Variants in KIF26B observed in about 807,000 individuals in gnomAD.
KIF26B encodes kinesin-like protein KIF26B.
A neutral mutation model predicts 151.2 loss-of-function variants in KIF26B; 63 were observed. The observed-to-expected ratio is 0.42, with a 90% CI of 0.34 to 0.51. KIF26B has a LOEUF of 0.51. Ranked by LOEUF, KIF26B falls within the 20% of genes least tolerant of loss-of-function variation. The pLI is 0.07. For missense variants in KIF26B, 2,813 were observed against 2,913.6 expected, an observed-to-expected ratio of 0.97 and a Z score of 0.79; for synonymous variants, 1,357 against 1,262.1, an observed-to-expected ratio of 1.08 and a Z score of -1.59.
chr1:245,521,169 T>C (rs895926576), intron 4 of KIF26B, among the ~76,000 whole-genome samples: 35 of 151,764 alleles, frequency 2.3e-4, no homozygotes, highest in South Asian at 4.2e-4. Context: ...AACCCCGTCT[T>C]TACTAAAAAT....
Position 245,607,887 on chromosome 1 carries a change from TA to T in KIF26B, c.1651+144del, listed in dbSNP as rs1182455694. 2.0e-5 allele frequency: 13 copies of T among 642,766 alleles called. No homozygotes were observed. In the Admixed American group the frequency reaches 3.1e-4, roughly 15 times the overall value. The allele number at this position is 642,766 out of a possible 1,614,324, so 39.8% of individuals were successfully genotyped here. A position where few individuals can be genotyped will look rare whatever the true frequency, so the allele number is the denominator to read the frequency against. Reference sequence around the variant, plus strand: ...TTGAGCTGAATAACCAATAACAAGTTATACGACGAAAACCTATGTTGTTCAT... The same window carrying T: ...TTGAGCTGAATAACCAATAACAAGTTTACGACGAAAACCTATGTTGTTCAT... On this transcript the variant is annotated intron_variant, in intron 7 of 14. Transcript: ENST00000407071.
Position 245,646,102 on chromosome 1 carries a change from A to G in KIF26B, c.2099-19A>G. 2 of 1,610,912 alleles carry G rather than the reference A, an allele frequency of 1.2e-6. No individual in the cohort carries two copies. The highest frequency in any genetic ancestry group is 8.5e-7 in the Non-Finnish European group (1 of 1,177,894). ...GTCAGAACTTAACCATTTCTCTTTTATCTTCTCCCCTGTGGTAGTGTCTGG... is the reference window on the plus strand; with the variant it reads ...GTCAGAACTTAACCATTTCTCTTTTGTCTTCTCCCCTGTGGTAGTGTCTGG... On this transcript the variant is annotated intron_variant, in intron 9 of 14. Transcript: ENST00000407071.
rs562142999 is a variant in KIF26B at position 245,352,558 on chromosome 1, C to T, written c.466-14276C>T. ...AGATTATAGGCGTGAACCACTGTGCCTGGCCCACCTACTTCCAGTTTAAAG... is the reference window on the plus strand; with the variant it reads ...AGATTATAGGCGTGAACCACTGTGCTTGGCCCACCTACTTCCAGTTTAAAG... On this transcript the variant is annotated intron_variant, in intron 2 of 14. Transcript: ENST00000407071. The surrounding 1 kb of genome is among the most constrained non-coding windows in gnomAD (Gnocchi z 5.0). Among the ~76,000 whole-genome samples, 1 of 152,340 alleles carries T rather than the reference C, an allele frequency of 6.6e-6. No individual in the cohort carries two copies. Among genetic ancestry groups the T allele is most frequent in the South Asian group, 2.1e-4 (1 of 4,828 alleles).
intron 10 of KIF26B, among the ~76,000 whole-genome samples, chr1:245,668,031 G>A (rs1323347986): frequency 2.6e-5 from 4 of 152,186 alleles, no homozygotes; most frequent in African/African-American, 9.7e-5. Context: ...AGGTAACTGG[G>A]ATTACAGGCA....
intron 2 of KIF26B, among the ~76,000 whole-genome samples, chr1:245,179,733 G>A (rs1668871542): frequency 6.6e-6 from 1 of 152,208 alleles, no homozygotes; most frequent in Non-Finnish European, 1.5e-5. Flanking sequence ...AAAGGCTGTG[G>A]CACAAGAGTG....
At chr1:245,320,091 A>G (rs747680259) in intron 2 of KIF26B, among the ~76,000 whole-genome samples, 2 of 152,170 alleles carry the variant, frequency 1.3e-5, no homozygotes, top group African/African-American at 4.8e-5. Flanking sequence ...TCAGCCAGCT[A>G]TTGTTCATAT....
intron 3 of KIF26B, among the ~76,000 whole-genome samples, chr1:245,415,189 C>T (rs990607715): frequency 1.3e-5 from 2 of 152,156 alleles, no homozygotes; most frequent in African/African-American, 4.8e-5. Flanking sequence ...GTTTAATTGT[C>T]ATAGAATATG....
intron 4 of KIF26B, among the ~76,000 whole-genome samples, chr1:245,518,850 T>C (rs1661026292): frequency 6.6e-6 from 1 of 152,226 alleles, no homozygotes. Flanking sequence ...AATGATGTTC[T>C]GGGTAAGGAA....
intron 9 of KIF26B, among the ~76,000 whole-genome samples, chr1:245,626,625 A>G (rs1487712642): frequency 6.6e-6 from 1 of 152,032 alleles, no homozygotes; most frequent in African/African-American, 2.4e-5. Context: ...TTCCCTGGAT[A>G]TTAATTCCTT....
At chr1:245,294,756 G>A (rs529414886) in intron 2 of KIF26B, among the ~76,000 whole-genome samples, 5 of 152,138 alleles carry the variant, frequency 3.3e-5, no homozygotes, top group East Asian at 1.9e-4. Context: ...TCCACCTCCC[G>A]GGTTCAAGCA....
At chr1:245,463,752 A>T (rs1659705210) in intron 4 of KIF26B, among the ~76,000 whole-genome samples, 1 of 152,204 alleles carries the variant, frequency 6.6e-6, no homozygotes. Context: ...AGGACATGGA[A>T]AAAGAACTGA....
At position 245,656,757 on chromosome 1, in the gene KIF26B, C is replaced by T. The variant is rs567556435; in HGVS notation, c.2258+10477C>T. ...CAGAGTGTCCAACCATAAATTCTCA[C>T]CTGTTTCACAACTGGTTCAGGCCCA... On this transcript the variant is annotated intron_variant, in intron 10 of 14. Transcript: ENST00000407071. 2.2e-4 allele frequency among the ~76,000 whole-genome samples: 33 copies of T among 151,518 alleles called. 1 individual carries two copies. The highest frequency in any genetic ancestry group is 6.1e-4 in the African/African-American group (25 of 41,316).
At position 245,688,377 on chromosome 1, in the gene KIF26B, G is replaced by A; in HGVS notation, c.5394G>A (p.Lys1798=). The change falls in exon 12 of 15, where the codon AAG becomes AAA. Residue 1798 remains lysine (K), a synonymous_variant. Transcript: ENST00000407071. Reference sequence around the variant, plus strand: ...ACAGGAGCTCGGGCCTGGCCTCCAAGCTTCCCCTGCGGGCCGTCAGCGGGC... The same window carrying A: ...ACAGGAGCTCGGGCCTGGCCTCCAAACTTCCCCTGCGGGCCGTCAGCGGGC... The part of the protein sequence containing the change: ...SRNRSSGLAS[K]LPLRAVSGRI... 1 of 1,533,390 alleles carries A rather than the reference G, an allele frequency of 6.5e-7. No homozygotes were observed. Among genetic ancestry groups the A allele is most frequent in the Non-Finnish European group, 8.7e-7 (1 of 1,148,298 alleles). 95.0% of individuals were successfully genotyped at this position (1,533,390 alleles called of 1,614,324 possible).
chr1:245,473,389 G>A (rs2103064907), intron 4 of KIF26B, among the ~76,000 whole-genome samples: 1 of 152,304 alleles, frequency 6.6e-6, no homozygotes, highest in East Asian at 1.9e-4. Flanking sequence ...AGACATTAAG[G>A]TTTACAACCG....
At position 245,515,072 on chromosome 1, in the gene KIF26B, G is replaced by GT. The variant is rs576098282; in HGVS notation, c.1167-25692dup. ...CTCGAGTAGAAGTCAAGACCTGGGT[G>GT]TTTGAGTCCCAGCTCTGTGCATAAC... is the stretch of plus-strand genomic sequence containing the variant. On this transcript the variant is annotated intron_variant, in intron 4 of 14. Transcript: ENST00000407071. 8.9e-3 allele frequency among the ~76,000 whole-genome samples: 1,361 copies of GT among 152,286 alleles called. 9 individuals carry two copies. The highest frequency in any genetic ancestry group is 0.014 in the Non-Finnish European group (972 of 68,018).
At chr1:245,693,690 G>A (rs1005437388) in intron 12 of KIF26B, among the ~76,000 whole-genome samples, 2 of 152,136 alleles carry the variant, frequency 1.3e-5, no homozygotes, top group East Asian at 1.9e-4. Flanking sequence ...TTCCCAGGGC[G>A]CTGCACAAAA....
At position 245,703,007 on chromosome 1, in the gene KIF26B, T is replaced by TTAAG; in HGVS notation, c.*403_*406dup. The TTAAG allele has an allele frequency of 5.6e-6, 1 of 179,768 alleles. No individual in the cohort carries two copies. The highest frequency in any genetic ancestry group is 6.1e-5 in the Admixed American group (1 of 16,402). The allele number at this position is 179,768 out of a possible 1,614,324, so 11.1% of individuals were successfully genotyped here. On this transcript the variant is annotated 3_prime_UTR_variant, in exon 15 of 15. Transcript: ENST00000407071. ...ACACAAAACAACCCAGAATGACTGA[T>TTAAG]TAAGTGCCTTGCAAATCTTTATTAT... is the stretch of plus-strand genomic sequence containing the variant.
At chr1:245,186,973 C>T (rs1406733471) in intron 2 of KIF26B, among the ~76,000 whole-genome samples, 1 of 152,076 alleles carries the variant, frequency 6.6e-6, no homozygotes, top group Non-Finnish European at 1.5e-5. Flanking sequence ...TCTCCTGCCT[C>T]AGCTTCCAGA....
chr1:245,466,217 C>A (rs1033832981), intron 4 of KIF26B, among the ~76,000 whole-genome samples: 1 of 151,496 alleles, frequency 6.6e-6, no homozygotes, highest in African/African-American at 2.4e-5. Flanking sequence ...GTTTGTTTCC[C>A]TCCTGATAAA....
Sources: allele counts gnomAD v4.1 joint callset (sites outside exome capture counted in the v4.1 genomes callset), GRCh38; gene constraint gnomAD v4.1.1; non-coding constraint Gnocchi (gnomAD v3.1); transcripts MANE v1.5; gene names NCBI Gene and HGNC (gene_info 2026-07-23, HGNC 2026-07-21).